Variants in ARK2C observed in about 807,000 individuals in gnomAD.
The protein encoded by ARK2C is E3 ubiquitin-protein ligase ARK2C.
the ARK2C span, among the ~76,000 whole-genome samples, chr18:46,452,464 G>A: frequency 1.3e-5 from 2 of 151,964 alleles, no homozygotes; most frequent in African/African-American, 4.8e-5. Context: ...ATTTTTAGTA[G>A]AGATGGGGTT....
At chr18:46,349,301 A>G in the ARK2C span, among the ~76,000 whole-genome samples, 3 of 152,140 alleles carry the variant, frequency 2.0e-5, no homozygotes, top group African/African-American at 7.2e-5. Flanking sequence ...GTTGCGGGTG[A>G]GGGTCCACTT....
At chr18:46,383,101 G>T in the ARK2C span, among the ~76,000 whole-genome samples, 5 of 152,374 alleles carry the variant, frequency 3.3e-5, no homozygotes, top group East Asian at 9.7e-4. Flanking sequence ...CCAGGAGCAG[G>T]CCAAGGGCCT....
chr18:46,365,682 T>C, the ARK2C span, among the ~76,000 whole-genome samples: 1 of 152,184 alleles, frequency 6.6e-6, no homozygotes, highest in Admixed American at 6.5e-5. Context: ...TTTTATATTT[T>C]TTAGTAGAGA....
chr18:46,439,811 C>T, the ARK2C span, among the ~76,000 whole-genome samples: 1 of 152,160 alleles, frequency 6.6e-6, no homozygotes, highest in African/African-American at 2.4e-5. Flanking sequence ...CAACTCATGG[C>T]CAGTTTTGTT....
At chr18:46,423,018 C>T in the ARK2C span, among the ~76,000 whole-genome samples, 1 of 152,204 alleles carries the variant, frequency 6.6e-6, no homozygotes, top group Non-Finnish European at 1.5e-5. Flanking sequence ...CCTTCACAAC[C>T]CTGCTGTCCA....
the ARK2C span, among the ~76,000 whole-genome samples, chr18:46,347,183 C>T: frequency 6.6e-6 from 1 of 152,180 alleles, no homozygotes; most frequent in Non-Finnish European, 1.5e-5. Flanking sequence ...TCGGGTCAGC[C>T]CTGCTCCCTG....
At chr18:46,417,197 C>A in the ARK2C span, among the ~76,000 whole-genome samples, 1 of 152,208 alleles carries the variant, frequency 6.6e-6, no homozygotes, top group Non-Finnish European at 1.5e-5. Context: ...CACCCTAGTC[C>A]AAGAAACCAT....
the ARK2C span, among the ~76,000 whole-genome samples, chr18:46,348,846 G>A: frequency 6.6e-6 from 1 of 151,782 alleles, no homozygotes; most frequent in South Asian, 2.1e-4. Context: ...CTTTGGTTTT[G>A]CTTTAGCAGC....
chr18:46,341,799 A>T, the ARK2C span, among the ~76,000 whole-genome samples: 4 of 152,186 alleles, frequency 2.6e-5, no homozygotes, highest in African/African-American at 9.7e-5. Flanking sequence ...CTCCTCCCGG[A>T]GTTGTACCAA....
the ARK2C span, among the ~76,000 whole-genome samples, chr18:46,358,150 C>T: frequency 6.6e-6 from 1 of 152,202 alleles, no homozygotes; most frequent in African/African-American, 2.4e-5. Flanking sequence ...TTTCAGGGGG[C>T]ACAACTCAAA....
chr18:46,396,012 G>A, the ARK2C span, among the ~76,000 whole-genome samples: 31 of 152,320 alleles, frequency 2.0e-4, no homozygotes, highest in African/African-American at 5.8e-4. Context: ...CAGACTTGGC[G>A]TTGTTCTGTG....
At chr18:46,372,305 C>A in the ARK2C span, among the ~76,000 whole-genome samples, 1 of 152,146 alleles carries the variant, frequency 6.6e-6, no homozygotes, top group African/African-American at 2.4e-5. Context: ...ATCCAGCCAC[C>A]CACTTGCTGT....
the ARK2C span, among the ~76,000 whole-genome samples, chr18:46,358,451 T>A: frequency 6.6e-6 from 1 of 152,082 alleles, no homozygotes; most frequent in Non-Finnish European, 1.5e-5. Context: ...TCACGTAAAA[T>A]GAGGCCACGG....
chr18:46,416,666 A>G, the ARK2C span, among the ~76,000 whole-genome samples: 3 of 152,342 alleles, frequency 2.0e-5, no homozygotes, highest in East Asian at 5.8e-4. Context: ...CTCAGCTGGG[A>G]AGTCCTTTTG....
chr18:46,427,296 T>C, the ARK2C span, among the ~76,000 whole-genome samples: 1 of 152,220 alleles, frequency 6.6e-6, no homozygotes, highest in African/African-American at 2.4e-5. Flanking sequence ...GCATCTGCTT[T>C]CACTTCCCAG....
At chr18:46,437,377 G>T in the ARK2C span, among the ~76,000 whole-genome samples, 12 of 152,280 alleles carry the variant, frequency 7.9e-5, no homozygotes, top group African/African-American at 2.6e-4. Flanking sequence ...GAGATAGGCA[G>T]CCTGGTAATT....
the ARK2C span, chr18:46,336,165 A>G: frequency 3.9e-5 from 38 of 985,352 alleles, no homozygotes; most frequent in Non-Finnish European, 4.5e-5. Context: ...TCCTCTTAAA[A>G]CGGGTGTGGA....
At chr18:46,384,355 G>T in the ARK2C span, among the ~76,000 whole-genome samples, 1 of 152,342 alleles carries the variant, frequency 6.6e-6, no homozygotes, top group Admixed American at 6.5e-5. Context: ...ATGTATGTGT[G>T]TGGGGGGGAT....
chr18:46,406,404 C>T, the ARK2C span, among the ~76,000 whole-genome samples: 1 of 152,230 alleles, frequency 6.6e-6, no homozygotes, highest in African/African-American at 2.4e-5. Flanking sequence ...CAGCTGGAAT[C>T]CAGCCTCTGA....
Sources: gnomAD v4.1 joint callset for allele counts (sites outside exome capture counted in the v4.1 genomes callset) on GRCh38, gnomAD v4.1.1 for gene constraint, MANE v1.5 for transcripts, NCBI Gene and HGNC (gene_info 2026-07-23, HGNC 2026-07-21) for gene names.